Variants in TVP23C observed in about 807,000 individuals in gnomAD.
The protein encoded by TVP23C is trans-golgi network vesicle protein 23 homolog C, also known as Golgi apparatus membrane protein TVP23 homolog C.
TVP23C carries 19 observed loss-of-function variants against 28.7 expected under a neutral mutation model. The observed-to-expected ratio is 0.66, with a 90% confidence interval of 0.46 to 0.97. The LOEUF is 0.97. Among genes scored for constraint, TVP23C ranks in the 50% least tolerant of loss-of-function variants. The probability of loss-of-function intolerance (pLI) is 0.00; values close to 1 mark genes in which losing one functional copy is unlikely to be tolerated. For synonymous variants in TVP23C, 68 were observed against 81.7 expected (o/e 0.83, Z 0.90); for missense variants, 186 against 241.3 (o/e 0.77, Z 1.52).
chr17:15,521,136 G>A (rs1288974287), intron 5 of TVP23C, among the ~76,000 whole-genome samples: 2 of 151,856 alleles, frequency 1.3e-5, no homozygotes, highest in African/African-American at 4.8e-5. Flanking sequence ...CCCCCCACTT[G>A]ATACACGGTT....
At chr17:15,520,681 T>C (rs1479575797) in intron 5 of TVP23C, among the ~76,000 whole-genome samples, 1 of 152,218 alleles carries the variant, frequency 6.6e-6, no homozygotes, top group Admixed American at 6.5e-5. Flanking sequence ...GCTTTCAACA[T>C]TTTACCATTA....
rs764009388 is a variant in TVP23C, at chr17:15,545,838, GTAC to G, written c.406_408del (p.Val136del). 2.5e-5 allele frequency: 40 copies of G among 1,614,016 alleles called. No individual in the cohort carries two copies. Among genetic ancestry groups the G allele is most frequent in the Non-Finnish European group, 3.3e-5 (39 of 1,180,006 alleles). On this transcript the variant is annotated inframe_deletion, in exon 5 of 6. Transcript: ENST00000518321. ...GCACTAAAGGCAAATATCACCCACAGTACTGAACAGGCAATAAGTCCCAACCAA... is the reference window on the plus strand; with the variant it reads ...GCACTAAAGGCAAATATCACCCACAGTGAACAGGCAATAAGTCCCAACCAA...
chr17:15,563,449 G>A lies in TVP23C; in HGVS notation c.-1C>T. The A allele has an allele frequency of 6.3e-7, 1 of 1,590,574 alleles. No homozygotes were observed. Among genetic ancestry groups the A allele is most frequent in the Non-Finnish European group, 8.5e-7 (1 of 1,170,364 alleles). On this transcript the variant is annotated 5_prime_UTR_variant, in exon 1 of 6. Transcript: ENST00000518321. ...CTCAGCCCCTCACCTGCTGCAACAT[G>A]GCGGCCCTACGCCAGCCCTGCTTCC...
At chr17:15,516,206 C>T (rs149840598) in intron 5 of TVP23C, among the ~76,000 whole-genome samples, 2,101 of 152,234 alleles carry the variant, frequency 0.014, 31 homozygotes, top group Non-Finnish European at 0.024. Context: ...ATACACACAG[C>T]GAGGCCAAAG....
At chr17:15,534,154 A>T (rs777990950), downstream of TVP23C, among the ~76,000 whole-genome samples, 2,760 of 152,002 alleles carry the variant, frequency 0.018, 24 homozygotes, top group Non-Finnish European at 0.031. Flanking sequence ...CAGGATTTCT[A>T]TGTACATAAT....
At chr17:15,551,730 G>T (rs1983901257) in intron 3 of TVP23C, among the ~76,000 whole-genome samples, 1 of 151,976 alleles carries the variant, frequency 6.6e-6, no homozygotes, top group Non-Finnish European at 1.5e-5. Flanking sequence ...TTTATGTGTG[G>T]CCCAAGATAA....
chr17:15,531,429 G>GT (rs1442306222), intron 5 of TVP23C, among the ~76,000 whole-genome samples: 1 of 151,896 alleles, frequency 6.6e-6, no homozygotes, highest in East Asian at 1.9e-4. Flanking sequence ...CCTTTAATGC[G>GT]TATGTTGGTA....
At chr17:15,563,083 C>T (rs1274960051) in intron 1 of TVP23C, 1 of 386,076 alleles carries the variant, frequency 2.6e-6, no homozygotes, top group African/African-American at 2.0e-5. Flanking sequence ...TACAAGATAG[C>T]ATCGCACCCC....
intron 5 of TVP23C, among the ~76,000 whole-genome samples, chr17:15,541,234 T>C (rs1487663055): frequency 6.6e-6 from 1 of 152,196 alleles, no homozygotes; most frequent in African/African-American, 2.4e-5. Context: ...AATTTCTAAT[T>C]AATCTTAATT....
intron 3 of TVP23C, among the ~76,000 whole-genome samples, chr17:15,549,971 A>G (rs57450094): frequency 0.03 from 4,506 of 151,800 alleles, 218 homozygotes; most frequent in African/African-American, 0.1. Context: ...GGTCTCTTCT[A>G]TAGGTATTTT....
At chr17:15,518,658 T>C (rs1488076390) in intron 5 of TVP23C, among the ~76,000 whole-genome samples, 1 of 152,168 alleles carries the variant, frequency 6.6e-6, no homozygotes, top group Non-Finnish European at 1.5e-5. Flanking sequence ...GAATCTGTGT[T>C]TTCCAAAGAA....
chr17:15,507,278 G>GC (rs1981795867), intron 5 of TVP23C: 1 of 747,836 alleles, frequency 1.3e-6, no homozygotes, highest in South Asian at 1.4e-5. Flanking sequence ...ATATTGTGAA[G>GC]CCCATGGAGC....
intron 5 of TVP23C, among the ~76,000 whole-genome samples, chr17:15,514,128 A>G (rs1365043865): frequency 6.6e-6 from 1 of 152,232 alleles, no homozygotes; most frequent in Non-Finnish European, 1.5e-5. Flanking sequence ...TGGACTTTCA[A>G]GGTGAATATG....
intron 5 of TVP23C, chr17:15,507,106 T>C: frequency 2.9e-6 from 3 of 1,027,330 alleles, no homozygotes; most frequent in Non-Finnish European, 4.5e-6. Flanking sequence ...GGGGAGAAAT[T>C]TGATGTCGAG....
chr17:15,555,561 T>C (rs1295063504), intron 1 of TVP23C, among the ~76,000 whole-genome samples, 197 bp from the exon 2 acceptor site: 1 of 152,200 alleles, frequency 6.6e-6, no homozygotes, highest in South Asian at 2.1e-4. Flanking sequence ...CCCCAGAGAA[T>C]AATCGAAGTC....
chr17:15,521,435 C>T (rs996257943), intron 5 of TVP23C, among the ~76,000 whole-genome samples: 33 of 152,112 alleles, frequency 2.2e-4, no homozygotes, highest in African/African-American at 6.0e-4. Flanking sequence ...GCCCAGGAGG[C>T]GGAGCTTGCA....
intron 1 of TVP23C, among the ~76,000 whole-genome samples, chr17:15,557,916 T>C (rs1039566294): frequency 6.9e-6 from 1 of 145,726 alleles, no homozygotes; most frequent in African/African-American, 2.5e-5. Flanking sequence ...AATGGTCAAG[T>C]AGCTCATGCA....
At chr17:15,561,291 C>A (rs1984373405) in intron 1 of TVP23C, among the ~76,000 whole-genome samples, 1 of 152,158 alleles carries the variant, frequency 6.6e-6, no homozygotes, top group South Asian at 2.1e-4. Context: ...AGGTTCACAT[C>A]ACAAACTTAT....
At chr17:15,563,227 C>T (rs2150866891) in intron 1 of TVP23C, 1 of 871,948 alleles carries the variant, frequency 1.1e-6, no homozygotes, top group Admixed American at 3.1e-5. Flanking sequence ...GAAGTACTTG[C>T]TCTGCGCCGC....
Sources: allele counts gnomAD v4.1 joint callset (sites outside exome capture counted in the v4.1 genomes callset), GRCh38; gene constraint gnomAD v4.1.1; transcripts MANE v1.5; gene names NCBI Gene and HGNC (gene_info 2026-07-23, HGNC 2026-07-21).